SNX29: variants seen among roughly 807,000 people sequenced by gnomAD.
The protein encoded by SNX29 is sorting nexin 29.
Under a neutral mutation model 102.1 loss-of-function variants are expected in SNX29, and 78 were observed. That is an observed-to-expected ratio of 0.76 (90% CI 0.64 to 0.92). The LOEUF is 0.92. Ranked by LOEUF, SNX29 falls within the 40% of genes least tolerant of loss-of-function variation. SNX29 has a pLI of 0.00. For missense variants in SNX29, 1,280 were observed against 1,061.7 expected, an observed-to-expected ratio of 1.21 and a Z score of -2.86; for synonymous variants, 580 against 414.5, an observed-to-expected ratio of 1.40 and a Z score of -4.85.
intron 19 of SNX29, among the ~76,000 whole-genome samples, chr16:12,485,021 C>T (rs573554376): frequency 1.3e-5 from 2 of 152,224 alleles, no homozygotes; most frequent in African/African-American, 4.8e-5. Context: ...AACAGAAATT[C>T]AGTGGAAGAG....
chr16:12,433,977 C>G (rs1448161340), intron 18 of SNX29, among the ~76,000 whole-genome samples: 1 of 152,184 alleles, frequency 6.6e-6, no homozygotes, highest in Non-Finnish European at 1.5e-5. Flanking sequence ...GAGTATCTGT[C>G]CCCTGCCCCC....
intron 18 of SNX29, among the ~76,000 whole-genome samples, chr16:12,411,929 C>T (rs1281722350): frequency 6.6e-6 from 1 of 152,190 alleles, no homozygotes; most frequent in Non-Finnish European, 1.5e-5. Flanking sequence ...AGATTTTCCC[C>T]TTGTTGAATC....
At chr16:12,073,898 A>G (rs1206867186) in intron 10 of SNX29, among the ~76,000 whole-genome samples, 3 of 151,834 alleles carry the variant, frequency 2.0e-5, no homozygotes, top group Admixed American at 6.6e-5. Context: ...CTTCTTGTTG[A>G]ATTGATCCCT....
At chr16:12,270,235 G>T (rs923731591) in intron 14 of SNX29, among the ~76,000 whole-genome samples, 1 of 152,168 alleles carries the variant, frequency 6.6e-6, no homozygotes, top group Non-Finnish European at 1.5e-5. Flanking sequence ...AGTTTGATCA[G>T]TTGCAAATGT....
In SNX29 at chr16:12,129,696, C is replaced by G; in HGVS notation, c.1533C>G (p.Thr511=). The G allele has an allele frequency of 1.2e-6, 2 of 1,610,982 alleles. No individual in the cohort carries two copies. The highest frequency in any genetic ancestry group is 1.7e-6 in the Non-Finnish European group (2 of 1,179,502). The change falls in exon 13 of 21, where the codon ACC becomes ACG. Residue 511 remains threonine (T), a synonymous_variant. Coordinates refer to ENST00000566228, the MANE Select transcript of SNX29 (RefSeq NM_032167.5). ...CCGCGCTCCGGCAAGAGGTGGACAC[C>G]TTGAAAAGGAAGGTGGCTGAACAGG... ...HSAALRQEVD[T]LKRKVAEQEE... is the part of the protein sequence containing the mutation.
chr16:12,228,518 T>G (rs2077681122), intron 14 of SNX29, among the ~76,000 whole-genome samples: 1 of 152,246 alleles, frequency 6.6e-6, no homozygotes, highest in African/African-American at 2.4e-5. Flanking sequence ...GAGCTTTCTT[T>G]TAAAACTACA....
intron 19 of SNX29, among the ~76,000 whole-genome samples, chr16:12,518,128 A>G (rs1041231788): frequency 2.0e-5 from 3 of 152,192 alleles, no homozygotes; most frequent in African/African-American, 7.2e-5. Context: ...CATGGGAGCC[A>G]TTGAAGAATT....
chr16:12,403,202 ATGTGTGTGTGTGTGTGTGTGTGTGTGTG>A (rs67193889), intron 17 of SNX29, among the ~76,000 whole-genome samples: 3 of 70,882 alleles, frequency 4.2e-5, no homozygotes, highest in Admixed American at 2.3e-4. Context: ...TTGTGTGTGT[ATGTGTGTGTGTGTGTGTGTGTGTGTGTG>A]TGTGTGTGTG....
At chr16:12,348,706 G>C (rs550464887) in intron 15 of SNX29, among the ~76,000 whole-genome samples, 1 of 152,322 alleles carries the variant, frequency 6.6e-6, no homozygotes, top group Admixed American at 6.5e-5. Context: ...GGAGAGAGGA[G>C]TGTGGCCACA....
chr16:12,384,135 G>A (rs944460591), intron 16 of SNX29, among the ~76,000 whole-genome samples: 1 of 152,154 alleles, frequency 6.6e-6, no homozygotes, highest in Non-Finnish European at 1.5e-5. Flanking sequence ...TGGACATTTA[G>A]GTTGCTTCCA....
intron 16 of SNX29, among the ~76,000 whole-genome samples, chr16:12,356,791 T>A (rs1331797608): frequency 2.6e-5 from 4 of 152,366 alleles, no homozygotes; most frequent in Non-Finnish European, 4.4e-5. Flanking sequence ...TGAGGGCTGT[T>A]CTGAGCATTG....
At chr16:12,175,986 A>G (rs996451159) in intron 13 of SNX29, among the ~76,000 whole-genome samples, 7 of 151,062 alleles carry the variant, frequency 4.6e-5, no homozygotes, top group African/African-American at 1.5e-4. Context: ...AGCCTGGGCA[A>G]TAGAGCAAGA....
intron 14 of SNX29, among the ~76,000 whole-genome samples, chr16:12,275,351 T>C (rs2079211833): frequency 6.6e-6 from 1 of 152,230 alleles, no homozygotes; most frequent in Admixed American, 6.5e-5. Context: ...GTTACTTTTA[T>C]GTCTCCATTA....
At position 12,572,490 on chromosome 16, in the gene SNX29, C is replaced by G. The variant is rs981869964; in HGVS notation, c.*3861C>G. On this transcript the variant is annotated 3_prime_UTR_variant, in exon 21 of 21. Transcript: ENST00000566228. ...ACCCTGAGGACCAGTTCTTGGGGTT[C>G]CAGGCCTCGGCCTTCCTGCTCCACG... The G allele has an allele frequency of 3.8e-6, 4 of 1,063,880 alleles. No individual in the cohort carries two copies. In the African/African-American group the frequency reaches 4.9e-5, roughly 13 times the overall value. 65.9% of individuals were successfully genotyped at this position (1,063,880 alleles called of 1,614,324 possible).
chr16:12,068,441 T>C (rs2051137288), intron 9 of SNX29, among the ~76,000 whole-genome samples: 1 of 136,278 alleles, frequency 7.3e-6, no homozygotes, highest in African/African-American at 2.9e-5. Flanking sequence ...TGAGCCGTGA[T>C]CACACACCAC....
At chr16:12,078,793 A>C (rs988549733) in intron 10 of SNX29, 40 bp from the exon 11 acceptor site, 2 of 1,542,796 alleles carry the variant, frequency 1.3e-6, no homozygotes, top group East Asian at 4.8e-5. Flanking sequence ...GTGTACTTTC[A>C]GTGGCCGAGT....
At chr16:12,336,132 C>T (rs1327250338) in intron 15 of SNX29, among the ~76,000 whole-genome samples, 2 of 151,886 alleles carry the variant, frequency 1.3e-5, no homozygotes, top group Non-Finnish European at 2.9e-5. Flanking sequence ...ATAAATTAGG[C>T]CATCACCACA....
intron 13 of SNX29, among the ~76,000 whole-genome samples, chr16:12,140,854 C>G (rs1323115530): frequency 6.6e-6 from 1 of 152,168 alleles, no homozygotes; most frequent in South Asian, 2.1e-4. Flanking sequence ...GACTCAATAT[C>G]TGTTTTAAAT....
chr16:12,136,951 G>A (rs563431300), intron 13 of SNX29, among the ~76,000 whole-genome samples: 1 of 152,258 alleles, frequency 6.6e-6, no homozygotes, highest in African/African-American at 2.4e-5. Flanking sequence ...TGTTGGCCAG[G>A]CTGCTATTGA....
Sources: allele counts gnomAD v4.1 joint callset (sites outside exome capture counted in the v4.1 genomes callset), GRCh38; gene constraint gnomAD v4.1.1; transcripts MANE v1.5; gene names NCBI Gene and HGNC (gene_info 2026-07-23, HGNC 2026-07-21).